The following COBL variants were observed in gnomAD, a reference collection of about 807,000 sequenced individuals.
COBL encodes the protein cordon-bleu WH2 repeat protein, also known as protein cordon-bleu.
COBL carries 51 observed loss-of-function variants against 98.8 expected under a neutral mutation model. The observed-to-expected ratio is 0.52, with a 90% confidence interval of 0.41 to 0.65. The LOEUF is 0.65. Among genes scored for constraint, COBL ranks in the 30% least tolerant of loss-of-function variants. The pLI, the probability that COBL is intolerant of heterozygous loss-of-function variation, is 0.00. For missense variants in COBL, 1,617 were observed against 1,617.5 expected, an observed-to-expected ratio of 1.00 and a Z score of 0.01; for synonymous variants, 634 against 651.7, an observed-to-expected ratio of 0.97 and a Z score of 0.41.
intron 1 of COBL, among the ~76,000 whole-genome samples, chr7:51,306,598 G>C (rs1802499313): frequency 1.3e-5 from 2 of 152,156 alleles, no homozygotes; most frequent in South Asian, 4.1e-4. Context: ...TTGCTTTGAG[G>C]AAGGGGAGTC....
intron 10 of COBL, 49 bp downstream of exon 10, chr7:51,027,663 C>G (rs752990777): frequency 1.4e-6 from 2 of 1,468,918 alleles, no homozygotes; most frequent in East Asian, 4.5e-5. Context: ...GACCAGTGCA[C>G]TGAAGTGGGC....
chr7:51,024,972 G>A (rs1016515556), intron 12 of COBL, 137 bp downstream of exon 12: 3 of 1,171,426 alleles, frequency 2.6e-6, no homozygotes, highest in East Asian at 4.7e-5. Flanking sequence ...GAGAGACACA[G>A]TGACGCCGGC....
At chr7:51,295,236 A>G (rs1330023357) in intron 1 of COBL, among the ~76,000 whole-genome samples, 1 of 151,160 alleles carries the variant, frequency 6.6e-6, no homozygotes, top group African/African-American at 2.4e-5. Flanking sequence ...TCGTGAGCTG[A>G]TATCGCACCA....
At position 51,316,476 on chromosome 7, in the gene COBL, C is replaced by A; in HGVS notation, c.41+117G>T. On this transcript the variant is annotated intron_variant, in intron 1 of 12. Coordinates refer to ENST00000265136, the MANE Select transcript of COBL (RefSeq NM_015198.5). ...CGCACCACCTGCTCCACCACTACCA[C>A]CAGCACCCGCTGGGGCGGCAGAGAG... The A allele has an allele frequency of 6.7e-6, 5 of 750,706 alleles. No individual in the cohort carries two copies. The South Asian group carries it at 3.1e-4, about 46-fold the overall frequency. 46.5% of individuals were successfully genotyped at this position (750,706 alleles called of 1,614,324 possible).
intron 1 of COBL, among the ~76,000 whole-genome samples, chr7:51,248,700 T>A (rs554375496): frequency 8.3e-4 from 127 of 152,346 alleles, no homozygotes; most frequent in African/African-American, 2.9e-3. Context: ...TTTGTAAATA[T>A]CTAAATACAA....
At chr7:51,254,575 A>G (rs1294067166) in intron 1 of COBL, among the ~76,000 whole-genome samples, 1 of 151,590 alleles carries the variant, frequency 6.6e-6, no homozygotes, top group Non-Finnish European at 1.5e-5. Flanking sequence ...TCCATCCCCC[A>G]TTTTTCCATC....
At chr7:51,238,567 T>C (rs1243195647) in intron 1 of COBL, among the ~76,000 whole-genome samples, 1 of 152,256 alleles carries the variant, frequency 6.6e-6, no homozygotes, top group Non-Finnish European at 1.5e-5. Context: ...AACTCCATCT[T>C]GAATAGGGGA....
At chr7:51,129,840 G>T (rs73697810) in intron 6 of COBL, among the ~76,000 whole-genome samples, 2,424 of 152,242 alleles carry the variant, frequency 0.016, 71 homozygotes, top group African/African-American at 0.055. Flanking sequence ...GCCAGCAGAG[G>T]CTTTAAAGCA....
At chr7:51,187,858 G>A (rs1789698091) in intron 4 of COBL, 2 of 1,198,600 alleles carry the variant, frequency 1.7e-6, no homozygotes, top group Admixed American at 4.2e-5. Flanking sequence ...TCTGACCCCA[G>A]AGCCATGCAT....
intron 2 of COBL, among the ~76,000 whole-genome samples, chr7:51,206,534 G>A (rs1791735082): frequency 6.7e-6 from 1 of 150,032 alleles, no homozygotes; most frequent in African/African-American, 2.5e-5. Flanking sequence ...GAATTTTTAA[G>A]AGATATCTGC....
intron 1 of COBL, chr7:51,260,033 T>C: frequency 9.5e-6 from 8 of 840,580 alleles, no homozygotes; most frequent in Admixed American, 3.7e-5. Context: ...ACTTGAGCCC[T>C]TTTCCTTTCC....
At chr7:51,267,648 C>T (rs964584915) in intron 1 of COBL, among the ~76,000 whole-genome samples, 15 of 152,242 alleles carry the variant, frequency 9.9e-5, no homozygotes, top group African/African-American at 2.9e-4. Context: ...AATCTCAGCT[C>T]ACTGCAGCCT....
intron 2 of COBL, 79 bp from the exon 3 acceptor site, chr7:51,193,668 A>C: frequency 2.3e-6 from 3 of 1,300,764 alleles, no homozygotes; most frequent in Non-Finnish European, 3.3e-6. Context: ...GGGTAGAACA[A>C]ATGAACAAGT....
intron 1 of COBL, among the ~76,000 whole-genome samples, chr7:51,261,787 G>A (rs777809219): frequency 2.0e-5 from 3 of 152,162 alleles, no homozygotes; most frequent in Non-Finnish European, 4.4e-5. Context: ...GACCAACATC[G>A]TGAAACCCCC....
intron 5 of COBL, among the ~76,000 whole-genome samples, chr7:51,152,690 A>G (rs1785683247): frequency 6.6e-6 from 1 of 152,260 alleles, no homozygotes; most frequent in South Asian, 2.1e-4. Context: ...GCAGAAAATA[A>G]TTCCAAAACT....
chr7:51,199,134 G>A (rs1401351239), intron 2 of COBL, among the ~76,000 whole-genome samples: 1 of 152,130 alleles, frequency 6.6e-6, no homozygotes. Flanking sequence ...AGATACTAAA[G>A]TAGTCATGTG....
Position 51,029,555 on chromosome 7 carries a change from A to AG in COBL, c.1540dup (p.Leu514ProfsTer37). 2 of 1,608,312 alleles carry AG rather than the reference A, an allele frequency of 1.2e-6. No individual in the cohort carries two copies. Among genetic ancestry groups the AG allele is most frequent in the Non-Finnish European group, 8.5e-7 (1 of 1,175,584 alleles). On this transcript the variant is annotated frameshift_variant, in exon 10 of 13. Coordinates refer to ENST00000265136, the MANE Select transcript of COBL (RefSeq NM_015198.5). LOFTEE classifies it high-confidence loss of function. ...GGATGCACCATGGATGGAGCTGGTG[A>AG]GGGAGCTGGTGTCTGTTTCATAGCT... is the stretch of plus-strand genomic sequence containing the variant.
At chr7:51,314,007 T>G in intron 1 of COBL, among the ~76,000 whole-genome samples, 1 of 152,252 alleles carries the variant, frequency 6.6e-6, no homozygotes, top group East Asian at 1.9e-4. Context: ...ACTGTTTTAA[T>G]GAAATTCCTA....
chr7:51,127,138 T>C (rs1463876196), intron 6 of COBL, among the ~76,000 whole-genome samples: 1 of 152,150 alleles, frequency 6.6e-6, no homozygotes, highest in Non-Finnish European at 1.5e-5. Flanking sequence ...TCGTCGCTTG[T>C]GGTCCCACCT....
Sources: allele counts gnomAD v4.1 joint callset (sites outside exome capture counted in the v4.1 genomes callset), GRCh38; gene constraint gnomAD v4.1.1; transcripts MANE v1.5; gene names NCBI Gene and HGNC (gene_info 2026-07-23, HGNC 2026-07-21).